SOX5: variants seen among roughly 807,000 people sequenced by gnomAD.
The protein encoded by SOX5 is transcription factor SOX-5.
Under a neutral mutation model 92.0 loss-of-function variants are expected in SOX5, and 9 were observed. The ratio of observed to expected loss-of-function variants is 0.10; its 90% CI spans 0.06 to 0.17. The LOEUF (loss-of-function observed/expected upper bound fraction) is 0.17. SOX5 is among the 10% of genes least tolerant of loss of function. SOX5 has a pLI of 1.00. For missense variants in SOX5, 642 were observed against 944.5 expected, an observed-to-expected ratio of 0.68 and a Z score of 4.20; for synonymous variants, 344 against 336.3, an observed-to-expected ratio of 1.02 and a Z score of -0.25.
At chr12:24,196,688 G>C (rs1012725211) in intron 4 of SOX5, among the ~76,000 whole-genome samples, 1 of 152,120 alleles carries the variant, frequency 6.6e-6, no homozygotes, top group Admixed American at 6.5e-5. Context: ...CTGTTCACTT[G>C]AGCCCAGGAG....
chr12:24,542,387 G>A (rs749487032), intron 1 of SOX5, among the ~76,000 whole-genome samples: 2 of 152,192 alleles, frequency 1.3e-5, no homozygotes, highest in Non-Finnish European at 2.9e-5. Context: ...GCTACTCTAT[G>A]TATCCTTACA....
chr12:23,635,734 T>C (rs568063430), intron 8 of SOX5, among the ~76,000 whole-genome samples: 1 of 152,130 alleles, frequency 6.6e-6, no homozygotes, highest in East Asian at 1.9e-4. Context: ...GAGAGTGCAT[T>C]GAAAGGGGCA....
chr12:24,181,662 T>C (rs1428597735), intron 4 of SOX5, among the ~76,000 whole-genome samples: 2 of 152,190 alleles, frequency 1.3e-5, no homozygotes, highest in African/African-American at 4.8e-5. Flanking sequence ...TGGCACATGG[T>C]AAGCAATATT....
At chr12:23,969,483 C>G (rs1344833657) in intron 4 of SOX5, among the ~76,000 whole-genome samples, 1 of 152,144 alleles carries the variant, frequency 6.6e-6, no homozygotes, top group Non-Finnish European at 1.5e-5. Context: ...TTATTGCTAC[C>G]ACGTGGCAGT....
chr12:24,500,653 T>C (rs138851972), intron 1 of SOX5, among the ~76,000 whole-genome samples: 2 of 152,280 alleles, frequency 1.3e-5, no homozygotes, highest in Admixed American at 6.5e-5. Context: ...TTTCCCAACA[T>C]TGAAGAATAT....
chr12:23,801,609 A>T (rs1174208566), intron 3 of SOX5, among the ~76,000 whole-genome samples: 4 of 152,152 alleles, frequency 2.6e-5, no homozygotes, highest in African/African-American at 4.8e-5. Flanking sequence ...TTTATATATA[A>T]AAATGTTCTT....
chr12:24,528,455 G>T (rs1950904977), intron 1 of SOX5, among the ~76,000 whole-genome samples: 1 of 152,194 alleles, frequency 6.6e-6, no homozygotes, highest in African/African-American at 2.4e-5. Flanking sequence ...TATCCTGGTG[G>T]TTGTAACAAG....
chr12:24,507,036 C>A (rs1394293061), intron 1 of SOX5, among the ~76,000 whole-genome samples: 1 of 151,828 alleles, frequency 6.6e-6, no homozygotes, highest in Non-Finnish European at 1.5e-5. Flanking sequence ...GTGATCCGCC[C>A]GCCTCGGCCT....
At chr12:24,053,184 C>G (rs561578905) in intron 4 of SOX5, among the ~76,000 whole-genome samples, 1 of 145,430 alleles carries the variant, frequency 6.9e-6, no homozygotes, top group Admixed American at 6.7e-5. Flanking sequence ...GCACGCCCCC[C>G]CCCTTTTTTT....
chr12:24,281,146 T>G (rs1182851273), intron 2 of SOX5, among the ~76,000 whole-genome samples: 1 of 151,548 alleles, frequency 6.6e-6, no homozygotes, highest in East Asian at 1.9e-4. Context: ...AAACAGATAG[T>G]TTTTGAGAGA....
At chr12:24,188,389 G>A (rs1314059948) in intron 4 of SOX5, among the ~76,000 whole-genome samples, 1 of 152,052 alleles carries the variant, frequency 6.6e-6, no homozygotes, top group Non-Finnish European at 1.5e-5. Context: ...TATCTATTAT[G>A]TATAGACTGT....
intron 4 of SOX5, among the ~76,000 whole-genome samples, chr12:24,145,935 A>G (rs2138737617): frequency 6.6e-6 from 1 of 152,362 alleles, no homozygotes; most frequent in Admixed American, 6.5e-5. Context: ...TATCAAGAGG[A>G]CATAGCAAGC....
At chr12:24,108,424 C>T (rs1432957130) in intron 4 of SOX5, among the ~76,000 whole-genome samples, 1 of 152,064 alleles carries the variant, frequency 6.6e-6, no homozygotes, top group African/African-American at 2.4e-5. Context: ...ATAAATTAAG[C>T]AAGACTTACA....
At chr12:24,472,102 A>G (rs1195018464) in intron 1 of SOX5, among the ~76,000 whole-genome samples, 1 of 152,216 alleles carries the variant, frequency 6.6e-6, no homozygotes, top group African/African-American at 2.4e-5. Context: ...ATATGAGTCT[A>G]ATTGCCTTTT....
At chr12:23,911,941 C>A (rs1022005635) in intron 1 of SOX5, among the ~76,000 whole-genome samples, 1 of 152,052 alleles carries the variant, frequency 6.6e-6, no homozygotes, top group African/African-American at 2.4e-5. Context: ...AAGAACAAAA[C>A]AGATACATTG....
chr12:23,633,087 A>C (rs963278162), intron 8 of SOX5, among the ~76,000 whole-genome samples: 1 of 152,116 alleles, frequency 6.6e-6, no homozygotes, highest in Non-Finnish European at 1.5e-5. Flanking sequence ...ACTATCAATC[A>C]TTGGTTGGAG....
intron 3 of SOX5, among the ~76,000 whole-genome samples, chr12:24,238,558 T>A (rs1448484981): frequency 6.6e-6 from 1 of 152,180 alleles, no homozygotes; most frequent in Non-Finnish European, 1.5e-5. Context: ...GGTTTTGCCA[T>A]GTTGCCCAGG....
At chr12:24,031,310 C>T (rs906608820) in intron 4 of SOX5, among the ~76,000 whole-genome samples, 3 of 151,458 alleles carry the variant, frequency 2.0e-5, no homozygotes, top group African/African-American at 7.3e-5. Flanking sequence ...AACCTGTGTC[C>T]AGTGGTAGAT....
chr12:24,466,305 G>C (rs1161607611), intron 1 of SOX5, among the ~76,000 whole-genome samples: 1 of 151,766 alleles, frequency 6.6e-6, no homozygotes, highest in Non-Finnish European at 1.5e-5. Context: ...GAGTGCAGTG[G>C]CACAGTTATA....
Sources: allele counts gnomAD v4.1 joint callset (sites outside exome capture counted in the v4.1 genomes callset), GRCh38; gene constraint gnomAD v4.1.1; transcripts MANE v1.5; gene names NCBI Gene and HGNC (gene_info 2026-07-23, HGNC 2026-07-21).